Variants in PC observed in about 807,000 individuals in gnomAD.
The protein encoded by PC is pyruvate carboxylase, mitochondrial.
PC carries 46 observed loss-of-function variants against 107.8 expected under a neutral mutation model. The ratio of observed to expected loss-of-function variants is 0.43; its 90% confidence interval spans 0.34 to 0.55. The LOEUF (loss-of-function observed/expected upper bound fraction) is 0.55, where lower values mean the gene tolerates loss of function less well. Among genes scored for constraint, PC ranks in the 20% least tolerant of loss-of-function variants. PC has a pLI of 0.04. For missense variants in PC, 1,241 were observed against 1,643.1 expected, an observed-to-expected ratio of 0.76 and a Z score of 4.23; for synonymous variants, 662 against 684.7, an observed-to-expected ratio of 0.97 and a Z score of 0.52.
intron 1 of PC, among the ~76,000 whole-genome samples, chr11:66,954,651 A>T (rs756594652): frequency 4.6e-5 from 7 of 152,226 alleles, no homozygotes; most frequent in Non-Finnish European, 1.0e-4. Context: ...CTCAATGAAA[A>T]TGTTGACCAG....
chr11:66,873,837 T>C (rs1027046260), intron 3 of PC, among the ~76,000 whole-genome samples: 1 of 151,796 alleles, frequency 6.6e-6, no homozygotes, highest in South Asian at 2.1e-4. Flanking sequence ...GCATGATCTC[T>C]GCTCACTGTA....
In PC at chr11:66,938,901, T is replaced by C. The variant is rs375143965; in HGVS notation, c.-1+13529A>G. Among the ~76,000 whole-genome samples the C allele has an allele frequency of 5.4e-4, 83 of 152,320 alleles. 3 individuals are homozygous for C. The South Asian group carries it at 0.017, about 31-fold the overall frequency. ...CATTTTCTGCTATCACCTCATATGT[T>C]TGCACGCCTGTCCCATGATACCACA... On this transcript the variant is annotated intron_variant, in intron 3 of 22. Transcript: ENST00000393960.
At chr11:66,946,010 C>T (rs747337786) in intron 3 of PC, among the ~76,000 whole-genome samples, 12 of 147,678 alleles carry the variant, frequency 8.1e-5, no homozygotes, top group Non-Finnish European at 1.8e-4. Context: ...GGCGTGAACC[C>T]GGGAAGCGAA....
intron 3 of PC, among the ~76,000 whole-genome samples, chr11:66,908,824 C>T (rs771668319): frequency 2.0e-5 from 3 of 152,264 alleles, no homozygotes; most frequent in Non-Finnish European, 4.4e-5. Context: ...CCCGAGAACA[C>T]GCGTTAACTG....
At chr11:66,879,938 G>A (rs149089681) in intron 3 of PC, among the ~76,000 whole-genome samples, 2 of 152,278 alleles carry the variant, frequency 1.3e-5, no homozygotes, top group Non-Finnish European at 2.9e-5. Context: ...GGTGAGGGCT[G>A]CACTGCTCCT....
At chr11:66,876,089 G>C (rs188408153) in intron 3 of PC, among the ~76,000 whole-genome samples, 1 of 152,234 alleles carries the variant, frequency 6.6e-6, no homozygotes, top group African/African-American at 2.4e-5. Flanking sequence ...CAACAATGGT[G>C]AGAGCCACAC....
rs781186745 is a variant in PC, at chr11:66,872,196, T to G, written c.1-37A>C. On this transcript the variant is annotated intron_variant, in intron 3 of 22. Coordinates refer to ENST00000393960, the MANE Select transcript of PC (RefSeq NM_001040716.2). ...AGTTAGAGCCCAGGTTAGCGCAGCC[T>G]CAGCACTGAGGCTCCTCAGAATGAG... 6 of 1,561,812 alleles carry G rather than the reference T, an allele frequency of 3.8e-6. No homozygotes were observed. Among genetic ancestry groups the G allele is most frequent in the Non-Finnish European group, 4.3e-6 (5 of 1,154,024 alleles).
intron 1 of PC, among the ~76,000 whole-genome samples, chr11:66,955,607 G>A (rs918480171): frequency 3.3e-5 from 5 of 152,150 alleles, no homozygotes; most frequent in African/African-American, 1.2e-4. Context: ...CTGAGCAACT[G>A]TAGTGAACAA....
chr11:66,953,006 T>G (rs940360365), intron 2 of PC, among the ~76,000 whole-genome samples: 3 of 152,184 alleles, frequency 2.0e-5, no homozygotes, highest in Admixed American at 2.0e-4. Context: ...ATAATAACAA[T>G]GCCCATCTCA....
chr11:66,869,410 C>A (rs377584810), intron 9 of PC, among the ~76,000 whole-genome samples: 3 of 151,844 alleles, frequency 2.0e-5, no homozygotes, highest in African/African-American at 7.2e-5. Flanking sequence ...CTGGCCACCA[C>A]CACCCAAAGA....
intron 3 of PC, among the ~76,000 whole-genome samples, chr11:66,951,896 A>G (rs1474327061): frequency 2.0e-5 from 3 of 152,004 alleles, no homozygotes; most frequent in Non-Finnish European, 1.5e-5. Context: ...CTCAAAAAAA[A>G]AAAAGAAAAA....
At chr11:66,955,275 G>A (rs1002906471) in intron 1 of PC, among the ~76,000 whole-genome samples, 1 of 152,184 alleles carries the variant, frequency 6.6e-6, no homozygotes, top group Admixed American at 6.5e-5. Flanking sequence ...CTGAGGTCCT[G>A]CCCTGCCACT....
In PC at chr11:66,871,753, G is replaced by A. The variant is rs780505914; in HGVS notation, c.255C>T (p.Leu85=). 1.3e-6 allele frequency: 2 copies of A among 1,595,338 alleles called. No individual in the cohort carries two copies. Among genetic ancestry groups the A allele is most frequent in the Admixed American group, 3.5e-5 (2 of 57,120 alleles). The change falls in exon 5 of 23, where the codon CTC becomes CTT. Residue 85 remains leucine, a synonymous_variant. Coordinates refer to ENST00000393960, the MANE Select transcript of PC (RefSeq NM_001040716.2). The surrounding 1 kb of genome is among the most constrained non-coding windows in gnomAD (Gnocchi z 7.4). ...MHRQKADEAY[L]IGRGLAPVQA... ...GCACGGGGGCCAGGCCGCGGCCGAT[G>A]AGATAGGCTTCATCTGCTTTCTGCC...
chr11:66,853,099 C>A, intron 13 of PC, 140 bp downstream of exon 13: 1 of 941,896 alleles, frequency 1.1e-6, no homozygotes. Context: ...CAAGAGGACG[C>A]AGGGCCAGAA....
chr11:66,862,442 C>T (rs1237277327), intron 12 of PC, among the ~76,000 whole-genome samples: 1 of 152,358 alleles, frequency 6.6e-6, no homozygotes, highest in African/African-American at 2.4e-5. Flanking sequence ...ACATGCCCCC[C>T]CATCCCCCAA....
chr11:66,897,828 A>G (rs1034386788), intron 3 of PC, among the ~76,000 whole-genome samples: 6 of 152,188 alleles, frequency 3.9e-5, no homozygotes, highest in Admixed American at 3.9e-4. Flanking sequence ...GGTAGAGATA[A>G]CTTGCTCCAG....
Position 66,866,349 on chromosome 11 carries a change from G to A in PC, c.1023C>T (p.Asp341=), listed in dbSNP as rs745645744. The part of the protein sequence containing the change: ...VEHTVTEEIT[D]VDLVHAQIHV... ...GGATCTGAGCATGGACCAGGTCTAC[G>A]CTGTAGGGCATTGGGGGGAGGGGGG... Residue 341 remains aspartate (D), a splice_region_variant and synonymous_variant, in exon 11 of 23, where the codon GAC becomes GAT. Coordinates refer to ENST00000393960, the MANE Select transcript of PC (RefSeq NM_001040716.2). This position sits in a 1 kb window ranked among gnomAD's most constrained non-coding sequence, Gnocchi z 5.4. 40 of 1,609,368 alleles carry A rather than the reference G, an allele frequency of 2.5e-5. No homozygotes were observed. The East Asian group carries it at 3.4e-4, about 13-fold the overall frequency.
At chr11:66,893,785 G>T in intron 3 of PC, among the ~76,000 whole-genome samples, 1 of 60,090 alleles carries the variant, frequency 1.7e-5, no homozygotes. Flanking sequence ...CTTAGCCCCC[G>T]CCCCCTACCC....
Position 66,849,856 on chromosome 11 carries a change from G to C in PC, c.2902C>G (p.Leu968Val). 2 of 1,613,754 alleles carry C rather than the reference G, an allele frequency of 1.2e-6. No homozygotes were observed. Among genetic ancestry groups the C allele is most frequent in the African/African-American group, 1.3e-5 (1 of 75,056 alleles). The change falls in exon 21 of 23, where the codon CTG becomes GTG. Residue 968 changes from leucine (L) to valine (V), a missense_variant. By Grantham distance (32) the Leu-to-Val change is conservative. Coordinates refer to ENST00000393960, the MANE Select transcript of PC (RefSeq NM_001040716.2). ...GFPEPFRSKV[L>V]KDLPRVEGRP... is the part of the protein sequence containing the mutation. ...CCCTCCACCCTTGGCAGGTCCTTCA[G>C]TACCTGGGGAGCAAAGCAGAGGATC... is the stretch of plus-strand genomic sequence containing the variant.
Sources: gnomAD v4.1 joint callset for allele counts (sites outside exome capture counted in the v4.1 genomes callset) on GRCh38, gnomAD v4.1.1 for gene constraint, Gnocchi (gnomAD v3.1) non-coding constraint, MANE v1.5 for transcripts, NCBI Gene and HGNC (gene_info 2026-07-23, HGNC 2026-07-21) for gene names.